CLEC16A: variants seen among roughly 807,000 people sequenced by gnomAD.
CLEC16A encodes the protein C-type lectin domain containing 16A.
Under a neutral mutation model 109.5 loss-of-function variants are expected in CLEC16A, and 51 were observed. The observed-to-expected ratio is 0.47, with a 90% confidence interval of 0.37 to 0.59. CLEC16A has a LOEUF of 0.59. Ranked by LOEUF, CLEC16A falls within the 20% of genes least tolerant of loss-of-function variation. The pLI, the probability that CLEC16A is intolerant of heterozygous loss-of-function variation, is 0.00. For missense variants in CLEC16A, 1,339 were observed against 1,394.0 expected, an observed-to-expected ratio of 0.96 and a Z score of 0.63; for synonymous variants, 673 against 564.2, an observed-to-expected ratio of 1.19 and a Z score of -2.73.
intron 20 of CLEC16A, 119 bp from the exon 21 acceptor site, chr16:11,123,611 GCTGTCGATCTTA>G (rs1004966424): frequency 6.0e-6 from 5 of 834,748 alleles, no homozygotes; most frequent in Non-Finnish European, 9.6e-6. Context: ...GACTTGGGAG[GCTGTCGATCTTA>G]GATCAAAAGC....
At chr16:10,978,514 C>A (rs544091924) in intron 8 of CLEC16A, among the ~76,000 whole-genome samples, 3 of 152,220 alleles carry the variant, frequency 2.0e-5, no homozygotes, top group Non-Finnish European at 4.4e-5. Context: ...TCAGGTGATA[C>A]GCCTGCCTCG....
intron 13 of CLEC16A, chr16:11,027,852 AGAG>A: frequency 1.5e-6 from 1 of 672,602 alleles, no homozygotes; most frequent in East Asian, 2.7e-5. Flanking sequence ...AAGTGTCTTC[AGAG>A]AAGATTATTT....
At chr16:11,113,268 A>G (rs1046653585) in intron 19 of CLEC16A, among the ~76,000 whole-genome samples, 13 of 152,200 alleles carry the variant, frequency 8.5e-5, no homozygotes, top group African/African-American at 2.4e-4. Flanking sequence ...TGGGCCTCAT[A>G]AAGACCTGAG....
chr16:10,955,891 C>G (rs1596729921), intron 1 of CLEC16A, among the ~76,000 whole-genome samples: 1 of 152,178 alleles, frequency 6.6e-6, no homozygotes, highest in Non-Finnish European at 1.5e-5. Context: ...GATTGGGGCC[C>G]TGCACCAAAA....
At chr16:11,115,783 G>A (rs1235971584) in intron 19 of CLEC16A, among the ~76,000 whole-genome samples, 1 of 152,050 alleles carries the variant, frequency 6.6e-6, no homozygotes, top group Non-Finnish European at 1.5e-5. Flanking sequence ...TAGTCATCTA[G>A]AGAATCATCC....
At chr16:11,108,316 G>C (rs1374653977) in intron 19 of CLEC16A, among the ~76,000 whole-genome samples, 1 of 152,268 alleles carries the variant, frequency 6.6e-6, no homozygotes, top group African/African-American at 2.4e-5. Context: ...GAAGGAACTA[G>C]GTCTCCTGCT....
intron 19 of CLEC16A, among the ~76,000 whole-genome samples, chr16:11,111,402 A>G (rs2051576124): frequency 6.6e-6 from 1 of 152,100 alleles, no homozygotes; most frequent in African/African-American, 2.4e-5. Flanking sequence ...AACATGGTGG[A>G]TAGGTTCCAA....
chr16:11,020,123 A>G (rs2046007085), intron 11 of CLEC16A, 70 bp from the exon 12 acceptor site: 7 of 1,509,676 alleles, frequency 4.6e-6, no homozygotes, highest in East Asian at 2.3e-5. Flanking sequence ...ATTCTCCAAC[A>G]TGAGCATGTG....
chr16:10,984,846 C>A (rs888798145), intron 10 of CLEC16A, among the ~76,000 whole-genome samples: 6 of 152,212 alleles, frequency 3.9e-5, no homozygotes, highest in Non-Finnish European at 5.9e-5. Flanking sequence ...GGTTGTTTCA[C>A]TCCATTTAGA....
chr16:11,042,951 A>T (rs890340891), intron 15 of CLEC16A, among the ~76,000 whole-genome samples: 9 of 150,746 alleles, frequency 6.0e-5, no homozygotes, highest in African/African-American at 1.9e-4. Context: ...TGTAAATATT[A>T]TACACTACGT....
intron 19 of CLEC16A, among the ~76,000 whole-genome samples, chr16:11,087,227 CT>C (rs1477122282): frequency 2.7e-5 from 4 of 148,830 alleles, no homozygotes; most frequent in Non-Finnish European, 6.0e-5. Flanking sequence ...CCCCCACCTG[CT>C]GCCCCCTATA....
intron 19 of CLEC16A, among the ~76,000 whole-genome samples, chr16:11,077,963 A>AG (rs1567286441): frequency 4.2e-4 from 51 of 122,216 alleles, no homozygotes; most frequent in African/African-American, 1.6e-3. Flanking sequence ...ACAAAAAAAA[A>AG]CGTGTGTGTG....
chr16:11,112,953 G>C (rs563526741), intron 19 of CLEC16A, among the ~76,000 whole-genome samples: 2 of 152,178 alleles, frequency 1.3e-5, no homozygotes, highest in Non-Finnish European at 2.9e-5. Context: ...ACTCCTCTTG[G>C]TGGGGGCCAA....
intron 3 of CLEC16A, among the ~76,000 whole-genome samples, chr16:10,964,486 GGA>G (rs1235515450): frequency 6.6e-6 from 1 of 152,232 alleles, no homozygotes; most frequent in East Asian, 1.9e-4. Flanking sequence ...TCTGTCAAGA[GGA>G]GAGCACAGTG....
chr16:11,134,702 A>G (rs1181695748), intron 22 of CLEC16A, among the ~76,000 whole-genome samples: 1 of 152,196 alleles, frequency 6.6e-6, no homozygotes, highest in African/African-American at 2.4e-5. Context: ...TTTGAGTGTC[A>G]TGTCGACACT....
intron 18 of CLEC16A, among the ~76,000 whole-genome samples, chr16:11,054,137 C>G (rs1411522777): frequency 6.6e-6 from 1 of 152,236 alleles, no homozygotes; most frequent in African/African-American, 2.4e-5. Flanking sequence ...TCACGGGAGC[C>G]TTGGAGCCCC....
At chr16:11,164,187 C>T (rs768540517) in intron 22 of CLEC16A, among the ~76,000 whole-genome samples, 28 of 152,184 alleles carry the variant, frequency 1.8e-4, no homozygotes, top group Non-Finnish European at 2.5e-4. Flanking sequence ...TAGGTGCGGG[C>T]AGGAAATACC....
At chr16:11,041,356 A>G (rs2047326015) in intron 14 of CLEC16A, 1 of 152,184 alleles carries the variant, frequency 6.6e-6, no homozygotes, top group South Asian at 2.1e-4. Context: ...AACCCGACTC[A>G]CTCTGGCTTA....
rs757080927 is a variant in CLEC16A at position 11,157,085 on chromosome 16, G to C, written c.2642-9303G>C. 6.2e-5 allele frequency: 81 copies of C among 1,304,188 alleles called. No homozygotes were observed. The South Asian group carries it at 9.6e-4, about 16-fold the overall frequency. The allele number at this position is 1,304,188 out of a possible 1,614,324, so 80.8% of individuals were successfully genotyped here. A position where few individuals can be genotyped will look rare whatever the true frequency, so the allele number is the denominator to read the frequency against. ...TTTTTTCTTTTCTGCAGGTTTTCAAGGATAGTGTTTAAAATCTGAGAGGAT... is the reference window on the plus strand; with the variant it reads ...TTTTTTCTTTTCTGCAGGTTTTCAACGATAGTGTTTAAAATCTGAGAGGAT... On this transcript the variant is annotated intron_variant, in intron 22 of 23. Coordinates refer to ENST00000409790, the MANE Select transcript of CLEC16A (RefSeq NM_015226.3).
Sources: allele counts gnomAD v4.1 joint callset (sites outside exome capture counted in the v4.1 genomes callset), GRCh38; gene constraint gnomAD v4.1.1; transcripts MANE v1.5; gene names NCBI Gene and HGNC (gene_info 2026-07-23, HGNC 2026-07-21).